USP15: variants seen among roughly 807,000 people sequenced by gnomAD.
USP15 encodes ubiquitin carboxyl-terminal hydrolase 15.
A neutral mutation model predicts 127.1 loss-of-function variants in USP15; 18 were observed. The ratio of observed to expected loss-of-function variants is 0.14; its 90% CI spans 0.10 to 0.21. The LOEUF (loss-of-function observed/expected upper bound fraction) is 0.21. Among genes scored for constraint, USP15 ranks in the 10% least tolerant of loss-of-function variants. The pLI, the probability that USP15 is intolerant of heterozygous loss-of-function variation, is 1.00. For synonymous variants in USP15, 364 were observed against 393.7 expected, an observed-to-expected ratio of 0.92 and a Z score of 0.89; for missense variants, 805 against 1,159.9, an observed-to-expected ratio of 0.69 and a Z score of 4.44.
chr12:62,270,200 C>G (rs1340630456), intron 1 of USP15, among the ~76,000 whole-genome samples: 1 of 151,956 alleles, frequency 6.6e-6, no homozygotes, highest in African/African-American at 2.4e-5. Flanking sequence ...ATTCTTTGCC[C>G]ATTTAAAAAA....
intron 8 of USP15, chr12:62,374,338 C>T: frequency 1.0e-6 from 1 of 973,208 alleles, no homozygotes; most frequent in Non-Finnish European, 1.2e-6. Context: ...AGTTACACAA[C>T]TCAAAAGCTT....
intron 7 of USP15, among the ~76,000 whole-genome samples, chr12:62,350,596 A>G (rs983835502): frequency 3.3e-5 from 5 of 152,196 alleles, no homozygotes; most frequent in Non-Finnish European, 7.3e-5. Context: ...TCTTAGAAAC[A>G]CTGGGCAATA....
At chr12:62,318,368 T>C (rs765922404) in intron 4 of USP15, among the ~76,000 whole-genome samples, 9 of 152,174 alleles carry the variant, frequency 5.9e-5, no homozygotes, top group Non-Finnish European at 1.3e-4. Flanking sequence ...AATCCAGTGG[T>C]AATATAGAAA....
chr12:62,266,442 C>T (rs1466577167), intron 1 of USP15, among the ~76,000 whole-genome samples: 1 of 152,056 alleles, frequency 6.6e-6, no homozygotes, highest in Non-Finnish European at 1.5e-5. Context: ...AGAGATAACT[C>T]TTAAAGAATT....
At chr12:62,293,166 T>A (rs937782585) in intron 1 of USP15, among the ~76,000 whole-genome samples, 1 of 152,192 alleles carries the variant, frequency 6.6e-6, no homozygotes, top group Non-Finnish European at 1.5e-5. Flanking sequence ...ACTAGCACTC[T>A]GCCACAGGAA....
At chr12:62,286,222 A>G (rs987154372) in intron 1 of USP15, among the ~76,000 whole-genome samples, 4 of 152,192 alleles carry the variant, frequency 2.6e-5, no homozygotes, top group African/African-American at 9.7e-5. Context: ...TGGACAAAGA[A>G]CATGAAGAGA....
chr12:62,329,073 C>T (rs1376774088), intron 6 of USP15, among the ~76,000 whole-genome samples: 3 of 152,132 alleles, frequency 2.0e-5, no homozygotes, highest in Non-Finnish European at 4.4e-5. Flanking sequence ...AATGAATTCA[C>T]TTATATTTAG....
chr12:62,387,698 A>G (rs998455779), intron 11 of USP15, among the ~76,000 whole-genome samples: 1 of 152,166 alleles, frequency 6.6e-6, no homozygotes, highest in Non-Finnish European at 1.5e-5. Context: ...GAGATAAGGA[A>G]GTTATGATAA....
At chr12:62,390,074 AT>A (rs1384438284) in intron 14 of USP15, 86 bp downstream of exon 14, 21 of 1,269,734 alleles carry the variant, frequency 1.7e-5, no homozygotes, top group Non-Finnish European at 2.2e-5. Flanking sequence ...ATAAGGTACT[AT>A]TGGAATATAA....
intron 6 of USP15, among the ~76,000 whole-genome samples, chr12:62,343,151 G>C (rs1036238343): frequency 3.3e-5 from 5 of 152,168 alleles, no homozygotes; most frequent in Non-Finnish European, 7.3e-5. Flanking sequence ...TCTGGCCACA[G>C]CCACTTTGCC....
At chr12:62,344,590 G>T (rs2065753250) in intron 6 of USP15, among the ~76,000 whole-genome samples, 1 of 152,226 alleles carries the variant, frequency 6.6e-6, no homozygotes, top group African/African-American at 2.4e-5. Flanking sequence ...AGCTCCAGTA[G>T]GTGGTGCCCC....
At chr12:62,287,254 C>T (rs1487704845) in intron 1 of USP15, among the ~76,000 whole-genome samples, 2 of 152,166 alleles carry the variant, frequency 1.3e-5, no homozygotes, top group East Asian at 1.9e-4. Context: ...CATTAGAAGC[C>T]GAAACCTCAG....
intron 1 of USP15, among the ~76,000 whole-genome samples, chr12:62,280,286 G>C (rs940211523): frequency 3.9e-5 from 6 of 152,140 alleles, no homozygotes; most frequent in African/African-American, 1.4e-4. Flanking sequence ...GTGGGGAGAG[G>C]GTTATGGAGG....
chr12:62,400,633 A>G (rs1035802860), intron 20 of USP15, among the ~76,000 whole-genome samples: 3 of 151,330 alleles, frequency 2.0e-5, no homozygotes, highest in Non-Finnish European at 4.4e-5. Context: ...AAAAAACACT[A>G]TAGCATAATG....
chr12:62,350,509 A>C, intron 7 of USP15, among the ~76,000 whole-genome samples: 1 of 152,336 alleles, frequency 6.6e-6, no homozygotes, highest in South Asian at 2.1e-4. Context: ...AATGGAAAAA[A>C]GAACTTGTTA....
At chr12:62,289,799 A>G (rs530571689) in intron 1 of USP15, among the ~76,000 whole-genome samples, 1 of 149,074 alleles carries the variant, frequency 6.7e-6, no homozygotes, top group South Asian at 2.1e-4. Context: ...GAGGTTTGGT[A>G]TGTTGTATCT....
Position 62,336,553 on chromosome 12 carries a change from T to A in USP15, c.683+10620T>A, listed in dbSNP as rs544474634. The A allele has an allele frequency of 5.8e-5, 52 of 889,492 alleles. No homozygotes were observed. In the African/African-American group the frequency reaches 9.4e-4, roughly 16 times the overall value. The allele number at this position is 889,492 out of a possible 1,614,324, so 55.1% of individuals were successfully genotyped here. On this transcript the variant is annotated intron_variant, in intron 6 of 21. Coordinates refer to ENST00000280377, the MANE Select transcript of USP15 (RefSeq NM_001252078.2). The stretch of plus-strand genomic sequence containing the variant: ...ACTTCTGTTATATGGGTTATAGCTG[T>A]TAATATTTGTCATATTCGAAATTGA...
At chr12:62,404,055 AACTTCC>A in intron 21 of USP15, 132 bp from the exon 22 acceptor site, 1 of 1,054,532 alleles carries the variant, frequency 9.5e-7, no homozygotes, top group Non-Finnish European at 1.3e-6. Context: ...GAATTTTAGT[AACTTCC>A]ATTTGACCAT....
At position 62,343,117 on chromosome 12, in the gene USP15, G is replaced by A. The variant is rs190713467; in HGVS notation, c.684-6104G>A. Among the ~76,000 whole-genome samples the A allele has an allele frequency of 7.4e-3, 1,128 of 152,308 alleles. 9 individuals are homozygous for A. The highest frequency in any genetic ancestry group is 8.5e-3 in the Non-Finnish European group (578 of 68,038). On this transcript the variant is annotated intron_variant, in intron 6 of 21. Transcript: ENST00000280377. ...ATTTTCTTCAGAGATGCCCTGCCCA[G>A]TGAGGAGGAATGTAGAGAAGCAGTC...
Sources: gnomAD v4.1 joint callset for allele counts (sites outside exome capture counted in the v4.1 genomes callset) on GRCh38, gnomAD v4.1.1 for gene constraint, MANE v1.5 for transcripts, NCBI Gene and HGNC (gene_info 2026-07-23, HGNC 2026-07-21) for gene names.